The following PLSCR4 variants were observed in gnomAD, a reference collection of about 807,000 sequenced individuals.
PLSCR4 encodes the protein phospholipid scramblase 4.
In PLSCR4, 25 loss-of-function variants were observed where a neutral mutation model predicts 36.3. The observed-to-expected ratio is 0.69, with a 90% CI of 0.50 to 0.96. The LOEUF (loss-of-function observed/expected upper bound fraction) is 0.96. Among genes scored for constraint, PLSCR4 ranks in the 40% least tolerant of loss-of-function variants. The probability of loss-of-function intolerance (pLI) is 0.00; values close to 1 mark genes in which losing one functional copy is unlikely to be tolerated. For missense variants in PLSCR4, 408 were observed against 414.7 expected (o/e 0.98, Z 0.14); for synonymous variants, 122 against 132.9 (o/e 0.92, Z 0.56).
In PLSCR4 at chr3:146,194,497, T is replaced by G. The variant is rs765111674; in HGVS notation, c.946-42A>C. The stretch of plus-strand genomic sequence containing the variant: ...AATTATATGTAGATATATAGATAAT[T>G]AGGTATAATGCATGCGGTATTATCC... On this transcript the variant is annotated intron_variant, in intron 8 of 8. Coordinates refer to ENST00000354952, the MANE Select transcript of PLSCR4 (RefSeq NM_020353.3). The G allele has an allele frequency of 3.4e-6, 4 of 1,182,978 alleles. No homozygotes were observed. In the East Asian group the frequency reaches 9.3e-5, roughly 28 times the overall value. 73.3% of individuals were successfully genotyped at this position (1,182,978 alleles called of 1,614,324 possible).
intron 1 of PLSCR4, among the ~76,000 whole-genome samples, chr3:146,240,705 C>T (rs1267280277): frequency 3.8e-5 from 3 of 79,524 alleles, no homozygotes; most frequent in East Asian, 3.5e-4. Context: ...ATGTAGATAT[C>T]GAAACCTTCA....
intron 1 of PLSCR4, among the ~76,000 whole-genome samples, chr3:146,225,733 GC>G (rs924483282): frequency 2.0e-5 from 3 of 152,158 alleles, no homozygotes; most frequent in Non-Finnish European, 4.4e-5. Context: ...CGAGTGTGGG[GC>G]CCGCCAAGCC....
intron 3 of PLSCR4, among the ~76,000 whole-genome samples, chr3:146,209,759 T>A (rs1233366300): frequency 6.6e-6 from 1 of 152,132 alleles, no homozygotes; most frequent in Non-Finnish European, 1.5e-5. Context: ...CCTAACTTAT[T>A]GCTAAGGTCT....
chr3:146,247,929 T>A (rs1213725622), intron 1 of PLSCR4, among the ~76,000 whole-genome samples: 4 of 152,208 alleles, frequency 2.6e-5, no homozygotes, highest in African/African-American at 9.6e-5. Flanking sequence ...AGCCTTACCA[T>A]GCAATTAAAA....
chr3:146,246,335 TTTA>T (rs2036337542), intron 1 of PLSCR4, among the ~76,000 whole-genome samples: 1 of 152,064 alleles, frequency 6.6e-6, no homozygotes, highest in Admixed American at 6.6e-5. Context: ...TATCAATATA[TTTA>T]TTATTTTATT....
At chr3:146,226,703 G>A (rs75839524) in intron 1 of PLSCR4, among the ~76,000 whole-genome samples, 2,125 of 152,264 alleles carry the variant, frequency 0.014, 56 homozygotes, top group African/African-American at 0.049. Flanking sequence ...GATCAGGCAT[G>A]TCTGAGACTA....
chr3:146,224,706 G>C (rs533857136), intron 1 of PLSCR4, among the ~76,000 whole-genome samples: 9 of 151,992 alleles, frequency 5.9e-5, no homozygotes, highest in South Asian at 4.2e-4. Flanking sequence ...ATGCTGGCTC[G>C]GGCAGCCTGC....
intron 1 of PLSCR4, among the ~76,000 whole-genome samples, chr3:146,226,194 A>G (rs2035468453): frequency 1.3e-5 from 2 of 152,202 alleles, no homozygotes; most frequent in African/African-American, 4.8e-5. Context: ...TTAAAATTCT[A>G]TTAGGGTGAT....
chr3:146,198,187 A>C (rs764660122), intron 6 of PLSCR4, among the ~76,000 whole-genome samples: 22 of 152,132 alleles, frequency 1.4e-4, no homozygotes, highest in Non-Finnish European at 2.9e-4. Context: ...AAGAGGAGGG[A>C]GGAATGTGGA....
intron 6 of PLSCR4, among the ~76,000 whole-genome samples, chr3:146,197,185 G>A (rs1157182266): frequency 2.0e-5 from 3 of 152,180 alleles, no homozygotes; most frequent in African/African-American, 7.2e-5. Context: ...CATGGAACTA[G>A]GAAGTGGCAC....
At chr3:146,198,981 A>C (rs2033893681) in intron 6 of PLSCR4, among the ~76,000 whole-genome samples, 2 of 152,174 alleles carry the variant, frequency 1.3e-5, no homozygotes, top group Admixed American at 1.3e-4. Flanking sequence ...TTAATCCCTA[A>C]AATGATCATC....
rs779668851 is a variant in PLSCR4, at chr3:146,206,703, T to A, written c.177A>T (p.Gly59=). ...PTGYPGGLPM[G]YYSPQQPSTF... ...TACTGGGTTGCTGTGGACTGTAGTA[T>A]CCCATAGGCAAGCCTCCTGGGTAGC... Residue 59 remains glycine (G), a synonymous_variant, in exon 4 of 9, where the codon GGA becomes GGT. Coordinates refer to ENST00000354952, the MANE Select transcript of PLSCR4 (RefSeq NM_020353.3). 6.2e-7 allele frequency: 1 copy of A among 1,611,662 alleles called. No individual in the cohort carries two copies. Among genetic ancestry groups the A allele is most frequent in the Non-Finnish European group, 8.5e-7 (1 of 1,178,762 alleles).
chr3:146,200,923 TTTTTC>T, intron 5 of PLSCR4, 107 bp downstream of exon 5: 1 of 679,810 alleles, frequency 1.5e-6, no homozygotes, highest in East Asian at 3.0e-5. Flanking sequence ...GAGCAGTTTT[TTTTTC>T]TTTGAGCCAC....
chr3:146,203,777 G>T (rs2034172557), intron 4 of PLSCR4, among the ~76,000 whole-genome samples: 1 of 151,916 alleles, frequency 6.6e-6, no homozygotes, highest in Admixed American at 6.6e-5. Flanking sequence ...TGTTGTGACT[G>T]GTTTGATCTT....
At chr3:146,209,703 A>G (rs2034524155) in intron 3 of PLSCR4, among the ~76,000 whole-genome samples, 1 of 152,096 alleles carries the variant, frequency 6.6e-6, no homozygotes, top group Non-Finnish European at 1.5e-5. Context: ...ATTAAAATTT[A>G]TAAATAACTG....
intron 3 of PLSCR4, among the ~76,000 whole-genome samples, chr3:146,207,486 C>T (rs138530755): frequency 1.2e-3 from 176 of 152,130 alleles, no homozygotes; most frequent in African/African-American, 4.0e-3. Flanking sequence ...CTGGTGAGAG[C>T]CTTTCCTGGT....
intron 1 of PLSCR4, among the ~76,000 whole-genome samples, chr3:146,231,883 GT>G (rs2035730313): frequency 1.3e-5 from 2 of 152,164 alleles, no homozygotes; most frequent in South Asian, 4.1e-4. Context: ...GTCTATTTTT[GT>G]TTTAGTTGCA....
intron 3 of PLSCR4, among the ~76,000 whole-genome samples, chr3:146,210,762 A>G (rs2034572865): frequency 6.6e-6 from 1 of 152,018 alleles, no homozygotes; most frequent in Non-Finnish European, 1.5e-5. Context: ...TCTTCCCCAC[A>G]GTCCCTGAAA....
chr3:146,208,781 G>A (rs1329156454), intron 3 of PLSCR4, among the ~76,000 whole-genome samples: 3 of 152,066 alleles, frequency 2.0e-5, no homozygotes, highest in Non-Finnish European at 4.4e-5. Context: ...TGACATGTAC[G>A]GAGAACAGGG....
Sources: allele counts gnomAD v4.1 joint callset (sites outside exome capture counted in the v4.1 genomes callset), GRCh38; gene constraint gnomAD v4.1.1; transcripts MANE v1.5; gene names NCBI Gene and HGNC (gene_info 2026-07-23, HGNC 2026-07-21).